Variants in CCDC3 observed in about 807,000 individuals in gnomAD.
CCDC3 encodes the protein coiled-coil domain-containing protein 3.
In CCDC3, 24 loss-of-function variants were observed where a neutral mutation model predicts 21.4. That is an observed-to-expected ratio of 1.12 (90% CI 0.81 to 1.58). The LOEUF is 1.58. Ranked by LOEUF, CCDC3 falls within the 40% of genes most tolerant of loss-of-function variation. The probability of loss-of-function intolerance (pLI) is 0.00; values close to 1 mark genes in which losing one functional copy is unlikely to be tolerated. For synonymous variants in CCDC3, 186 were observed against 166.0 expected (o/e 1.12, Z -0.93); for missense variants, 425 against 360.9 (o/e 1.18, Z -1.44).
At chr10:13,027,166 G>A (rs1338821715) in intron 5 of CCDC3, among the ~76,000 whole-genome samples, 1 of 152,142 alleles carries the variant, frequency 6.6e-6, no homozygotes, top group Non-Finnish European at 1.5e-5. Flanking sequence ...CTGGAGGGTG[G>A]AGCTCTCATC....
At chr10:13,019,337 T>C (rs1015413543) in intron 5 of CCDC3, among the ~76,000 whole-genome samples, 2 of 152,238 alleles carry the variant, frequency 1.3e-5, no homozygotes, top group African/African-American at 4.8e-5. Flanking sequence ...GGGTTAAGAT[T>C]GCTCTGAACC....
chr10:12,981,524 G>A (rs893302825), intron 2 of CCDC3, among the ~76,000 whole-genome samples: 1 of 152,110 alleles, frequency 6.6e-6, no homozygotes, highest in Non-Finnish European at 1.5e-5. Context: ...ATCATATACT[G>A]AGGCTCTCTG....
At chr10:13,081,182 AT>A (rs1435656933) in intron 3 of CCDC3, among the ~76,000 whole-genome samples, 20 of 147,158 alleles carry the variant, frequency 1.4e-4, no homozygotes, top group East Asian at 4.0e-4. Flanking sequence ...AAAAAAAAAA[AT>A]ACCTATAGGT....
chr10:12,968,202 T>TACACACAC (rs71386134), intron 2 of CCDC3, among the ~76,000 whole-genome samples: 72 of 143,572 alleles, frequency 5.0e-4, no homozygotes, highest in East Asian at 1.4e-3. Context: ...CACACACACA[T>TACACACAC]ACACACACAC....
intron 2 of CCDC3, among the ~76,000 whole-genome samples, chr10:12,916,257 C>T (rs1192853006): frequency 6.6e-6 from 1 of 151,992 alleles, no homozygotes. Context: ...CATGGTGAAA[C>T]CCCGTCTCTA....
In CCDC3 at chr10:12,998,442, C is replaced by A; in HGVS notation, c.445G>T (p.Glu149Ter). Residue 149 changes from glutamate to a stop codon, truncating the protein, a stop_gained, in exon 2 of 3, where the codon GAG (glutamate) becomes TAG (stop). Transcript: ENST00000378825. LOFTEE classifies it high-confidence loss of function. ...FQDAIFPDTQ[E>*]NRRMFSSLFQ... is the part of the protein sequence containing the mutation. ...AGGCTAGAAAACATCCTTCTGTTCT[C>A]TTGAGTGTCTGGGAAGATGGCATCT... 1.2e-6 allele frequency: 2 copies of A among 1,614,146 alleles called. No homozygotes were observed. Among genetic ancestry groups the A allele is most frequent in the Non-Finnish European group, 1.7e-6 (2 of 1,180,018 alleles).
At chr10:12,953,820 G>C (rs1272316390) in intron 2 of CCDC3, among the ~76,000 whole-genome samples, 3 of 152,208 alleles carry the variant, frequency 2.0e-5, no homozygotes, top group Admixed American at 1.3e-4. Context: ...TTGGAAGCTA[G>C]ACTTCCAAAG....
rs140408561 is a variant in CCDC3 at position 13,055,967 on chromosome 10, T to A, written c.-269-6026A>T. Reference sequence around the variant, plus strand: ...TTGGAGTCTCATATGGAGAAAGAAATCCCTATTGTGCAGAAACATGGATAC... The same window carrying A: ...TTGGAGTCTCATATGGAGAAAGAAAACCCTATTGTGCAGAAACATGGATAC... On this transcript the variant is annotated intron_variant, in intron 4 of 6. Coordinates refer to the CCDC3 transcript ENST00000378839. Among the ~76,000 whole-genome samples, 592 of 152,284 alleles carry A rather than the reference T, an allele frequency of 3.9e-3. 6 individuals carry two copies. Among genetic ancestry groups the A allele is most frequent in the Admixed American group, 0.023 (350 of 15,270 alleles).
At chr10:12,918,214 C>T (rs1023452090) in intron 2 of CCDC3, among the ~76,000 whole-genome samples, 1 of 152,168 alleles carries the variant, frequency 6.6e-6, no homozygotes, top group Non-Finnish European at 1.5e-5. Context: ...ATAAGTACTC[C>T]AGTGCCATAT....
At chr10:12,926,829 C>A (rs1211150874) in intron 2 of CCDC3, among the ~76,000 whole-genome samples, 1 of 152,078 alleles carries the variant, frequency 6.6e-6, no homozygotes, top group African/African-American at 2.4e-5. Context: ...TTAAGTATTA[C>A]TAGAGATAAC....
At chr10:12,920,105 A>T (rs999247856) in intron 2 of CCDC3, among the ~76,000 whole-genome samples, 1 of 152,196 alleles carries the variant, frequency 6.6e-6, no homozygotes, top group Non-Finnish European at 1.5e-5. Flanking sequence ...TGGGTAATTT[A>T]TAAAGAAAAA....
intron 5 of CCDC3, among the ~76,000 whole-genome samples, chr10:13,034,017 A>G (rs1180475855): frequency 2.6e-5 from 4 of 152,226 alleles, no homozygotes; most frequent in Non-Finnish European, 5.9e-5. Context: ...ATTATAAATC[A>G]TGCTGCTATA....
At chr10:12,927,403 T>C (rs1171354045) in intron 2 of CCDC3, among the ~76,000 whole-genome samples, 1 of 152,248 alleles carries the variant, frequency 6.6e-6, no homozygotes, top group African/African-American at 2.4e-5. Context: ...TACTAGCTAA[T>C]ACTCAGTACA....
chr10:12,905,213 GGCCTATGGGCCAC>G (rs1834151941), intron 2 of CCDC3, among the ~76,000 whole-genome samples: 1 of 146,228 alleles, frequency 6.8e-6, no homozygotes, highest in African/African-American at 2.8e-5. Flanking sequence ...AGGAAACGAT[GGCCTATGGGCCAC>G]ATCTGGCCCC....
intron 2 of CCDC3, among the ~76,000 whole-genome samples, chr10:12,931,669 C>T (rs1020198793): frequency 7.9e-5 from 12 of 152,256 alleles, no homozygotes; most frequent in Admixed American, 2.6e-4. Flanking sequence ...TGTTGCCCTT[C>T]TGACAAGTTT....
chr10:12,906,831 C>T (rs562746880), intron 2 of CCDC3, among the ~76,000 whole-genome samples: 6 of 152,264 alleles, frequency 3.9e-5, no homozygotes, highest in African/African-American at 7.2e-5. Context: ...TTGTGATTGT[C>T]GTTCGCCCGA....
rs570259705 is a variant in CCDC3 at position 12,933,700 on chromosome 10, C to T, written c.550-35021G>A. Among the ~76,000 whole-genome samples the T allele has an allele frequency of 1.7e-3, 261 of 152,142 alleles. 1 individual carries two copies. Among genetic ancestry groups the T allele is most frequent in the Middle Eastern group, 0.017 (5 of 294 alleles). On this transcript the variant is annotated intron_variant, in intron 2 of 2. Coordinates refer to ENST00000378825, the MANE Select transcript of CCDC3 (RefSeq NM_031455.4). ...CTCACAGTCCCAGCCTCAAGTGATCCGCCCGACTCGGCCTCCCAAAGTCCT... is the reference window on the plus strand; with the variant it reads ...CTCACAGTCCCAGCCTCAAGTGATCTGCCCGACTCGGCCTCCCAAAGTCCT...
At chr10:12,952,857 T>C (rs995430909) in intron 2 of CCDC3, among the ~76,000 whole-genome samples, 2 of 152,218 alleles carry the variant, frequency 1.3e-5, no homozygotes, top group Admixed American at 6.5e-5. Flanking sequence ...CACTGTACCA[T>C]GTGCACATCC....
At chr10:12,968,301 C>T (rs1835292643) in intron 2 of CCDC3, among the ~76,000 whole-genome samples, 1 of 152,028 alleles carries the variant, frequency 6.6e-6, no homozygotes, top group Non-Finnish European at 1.5e-5. Flanking sequence ...TGGCAGATTT[C>T]TCAGTAGAAA....
Sources: gnomAD v4.1 joint callset for allele counts (sites outside exome capture counted in the v4.1 genomes callset) on GRCh38, gnomAD v4.1.1 for gene constraint, MANE v1.5 for transcripts, NCBI Gene and HGNC (gene_info 2026-07-23, HGNC 2026-07-21) for gene names.